Variants in UGT1A7 observed in about 807,000 individuals in gnomAD.
UGT1A7 encodes UDP glucuronosyltransferase family 1 member A7, also known as UDP-glucuronosyltransferase 1A7.
In UGT1A7, 33 loss-of-function variants were observed where a neutral mutation model predicts 45.6. The ratio of observed to expected loss-of-function variants is 0.72; its 90% confidence interval spans 0.55 to 0.97. The LOEUF (loss-of-function observed/expected upper bound fraction) is 0.97, where lower values mean the gene tolerates loss of function less well. Among genes scored for constraint, UGT1A7 ranks in the 50% least tolerant of loss-of-function variants. The pLI is 0.00. For synonymous variants in UGT1A7, 274 were observed against 250.6 expected, an observed-to-expected ratio of 1.09 and a Z score of -0.88; for missense variants, 684 against 666.2, an observed-to-expected ratio of 1.03 and a Z score of -0.29.
chr2:233,686,792 A>C (rs1490044288), intron 1 of UGT1A7, among the ~76,000 whole-genome samples: 2 of 149,062 alleles, frequency 1.3e-5, no homozygotes, highest in African/African-American at 5.0e-5. Context: ...TCCTCTTTCC[A>C]CCTCCCCTGT....
At chr2:233,690,053 T>C in intron 1 of UGT1A7, 1 of 402,506 alleles carries the variant, frequency 2.5e-6, no homozygotes, top group South Asian at 1.8e-5. Flanking sequence ...TTCTGACTTC[T>C]GCAGCCCCAC....
chr2:233,702,773 G>A (rs1177532005), intron 1 of UGT1A7, among the ~76,000 whole-genome samples: 1 of 152,128 alleles, frequency 6.6e-6, no homozygotes, highest in Non-Finnish European at 1.5e-5. Flanking sequence ...TAATTGATTT[G>A]CAGGTGTAAA....
rs587776764 is a variant in UGT1A7 at position 233,761,152 on chromosome 2, G to C, written c.856-5882G>C. ...CCTTCACCAAAATCCACTATCCCAG[G>C]TGTGTATTGGAGTGGGACTTTTACA... is the stretch of plus-strand genomic sequence containing the variant. On this transcript the variant is annotated intron_variant, in intron 1 of 4. Coordinates refer to ENST00000373426, the MANE Select transcript of UGT1A7 (RefSeq NM_019077.3). The C allele has an allele frequency of 2.5e-6, 4 of 1,614,084 alleles. No homozygotes were observed. The African/African-American group carries it at 4.0e-5, about 16-fold the overall frequency.
chr2:233,759,153 G>C (rs1244080154), intron 1 of UGT1A7, among the ~76,000 whole-genome samples: 1 of 152,246 alleles, frequency 6.6e-6, no homozygotes, highest in African/African-American at 2.4e-5. Flanking sequence ...GAGTTCCACA[G>C]AACACAAGGC....
At chr2:233,757,559 T>TATATATATACATATAC in intron 1 of UGT1A7, among the ~76,000 whole-genome samples, 4 of 124,406 alleles carry the variant, frequency 3.2e-5, no homozygotes, top group Non-Finnish European at 3.3e-5. Context: ...TATATATATA[T>TATATATATACATATAC]ATGTATATAT....
intron 1 of UGT1A7, chr2:233,718,807 T>A (rs2076687177): frequency 6.2e-7 from 1 of 1,613,200 alleles, no homozygotes; most frequent in African/African-American, 1.3e-5. Flanking sequence ...CAGCTGTCGG[T>A]GGCTTCTGCT....
intron 1 of UGT1A7, among the ~76,000 whole-genome samples, chr2:233,718,520 C>T (rs1396041935): frequency 2.0e-5 from 3 of 152,154 alleles, no homozygotes; most frequent in Non-Finnish European, 2.9e-5. Context: ...AAATGGGTGT[C>T]CACAGCCTTG....
chr2:233,700,469 A>G (rs997170910), intron 1 of UGT1A7, among the ~76,000 whole-genome samples: 5 of 152,226 alleles, frequency 3.3e-5, no homozygotes, highest in Admixed American at 3.3e-4. Context: ...AGCTAAAAAA[A>G]GTATTCAACA....
At chr2:233,735,564 G>A (rs550679567) in intron 1 of UGT1A7, among the ~76,000 whole-genome samples, 59 of 152,124 alleles carry the variant, frequency 3.9e-4, no homozygotes, top group African/African-American at 1.3e-3. Flanking sequence ...TGGTGTTATC[G>A]GGTTATTTTG....
rs182081835 is a variant in UGT1A7 at position 233,702,413 on chromosome 2, T to G, written c.855+19621T>G. 3.3e-3 allele frequency among the ~76,000 whole-genome samples: 497 copies of G among 152,322 alleles called. 1 individual carries two copies. Among genetic ancestry groups the G allele is most frequent in the South Asian group, 4.6e-3 (22 of 4,828 alleles). On this transcript the variant is annotated intron_variant, in intron 1 of 4. Coordinates refer to ENST00000373426, the MANE Select transcript of UGT1A7 (RefSeq NM_019077.3). ...AGATCATGTTATCTACAAATAGAGA[T>G]AGCGTTACTTCTTCCTTTCTAATAA... is the stretch of plus-strand genomic sequence containing the variant.
chr2:233,721,161 ATT>A lies in UGT1A7; in HGVS notation c.855+38373_855+38374del, dbSNP rs372396731. Reference sequence around the variant, plus strand: ...ATTATTGCAAAGGACACTAAACTTTATTTTTGTTTTTGATCAAACCACAAGAT... The same window carrying A: ...ATTATTGCAAAGGACACTAAACTTTATTTGTTTTTGATCAAACCACAAGAT... On this transcript the variant is annotated intron_variant, in intron 1 of 4. Coordinates refer to ENST00000373426, the MANE Select transcript of UGT1A7 (RefSeq NM_019077.3). Among the ~76,000 whole-genome samples the A allele has an allele frequency of 3.5e-4, 54 of 152,170 alleles. 1 individual carries two copies. In the East Asian group the frequency reaches 0.01, roughly 29 times the overall value.
chr2:233,692,752 G>A, intron 1 of UGT1A7: 8 of 1,127,222 alleles, frequency 7.1e-6, no homozygotes, highest in Non-Finnish European at 9.3e-6. Flanking sequence ...AAGCAGACTT[G>A]TGGAGCTGAA....
At chr2:233,720,871 A>AT (rs60621337) in intron 1 of UGT1A7, among the ~76,000 whole-genome samples, 4,423 of 132,758 alleles carry the variant, frequency 0.033, 90 homozygotes, top group Middle Eastern at 0.07. Context: ...GCTCCTGGCA[A>AT]TTTTTTTTTT....
rs188955971 is a variant in UGT1A7 at position 233,750,968 on chromosome 2, T to C, written c.856-16066T>C. ...ACAGAGTCTCCACTGGGGCACTGCC[T>C]AGTGGAGTTGTGAGAAGGCGGCCAC... is the stretch of plus-strand genomic sequence containing the variant. On this transcript the variant is annotated intron_variant, in intron 1 of 4. Transcript: ENST00000373426. Among the ~76,000 whole-genome samples the C allele has an allele frequency of 4.3e-4, 66 of 151,860 alleles. 1 individual carries two copies. The highest frequency in any genetic ancestry group is 3.5e-3 in the Admixed American group (53 of 15,300).
rs149894725 is a variant in UGT1A7 at position 233,704,012 on chromosome 2, G to A, written c.855+21220G>A. Among the ~76,000 whole-genome samples the A allele has an allele frequency of 1.6e-4, 24 of 151,646 alleles. No individual in the cohort carries two copies. In the South Asian group the frequency reaches 2.5e-3, roughly 16 times the overall value. ...TTCAAGCAGTTCTCCCACCTCAGCC[G>A]CCCGAGCAGCTGGAACTACAGGTGT... On this transcript the variant is annotated intron_variant, in intron 1 of 4. Coordinates refer to ENST00000373426, the MANE Select transcript of UGT1A7 (RefSeq NM_019077.3).
chr2:233,736,518 C>T (rs567664154), intron 1 of UGT1A7, among the ~76,000 whole-genome samples: 3 of 152,304 alleles, frequency 2.0e-5, no homozygotes, highest in Admixed American at 1.3e-4. Context: ...TCTGTCAACT[C>T]GTCAAAGTCA....
intron 1 of UGT1A7, chr2:233,729,582 C>A (rs143068136): frequency 2.2e-4 from 355 of 1,613,964 alleles, no homozygotes; most frequent in Middle Eastern, 3.3e-4. Context: ...TTTTAACAGA[C>A]CCCGTTAACC....
At position 233,718,196 on chromosome 2, in the gene UGT1A7, G is replaced by A. The variant is rs1258462384; in HGVS notation, c.855+35404G>A. On this transcript the variant is annotated intron_variant, in intron 1 of 4. Transcript: ENST00000373426. ...ACATCTTGAGCTCAGCCTCCCCGGA[G>A]CTTTTTTTTATATTGACAGCCACTT... 4.6e-5 allele frequency among the ~76,000 whole-genome samples: 7 copies of A among 152,156 alleles called. No individual in the cohort carries two copies. In the South Asian group the frequency reaches 1.5e-3, roughly 32 times the overall value.
intron 1 of UGT1A7, among the ~76,000 whole-genome samples, chr2:233,736,837 T>TC (rs1251253473): frequency 1.3e-5 from 2 of 152,214 alleles, no homozygotes. Flanking sequence ...TGCTTTGGTA[T>TC]CACCAGTGGA....
Sources: gnomAD v4.1 joint callset for allele counts (sites outside exome capture counted in the v4.1 genomes callset) on GRCh38, gnomAD v4.1.1 for gene constraint, MANE v1.5 for transcripts, NCBI Gene and HGNC (gene_info 2026-07-23, HGNC 2026-07-21) for gene names.